Variants in CARMIL1 observed in about 807,000 individuals in gnomAD.
The protein encoded by CARMIL1 is F-actin-uncapping protein LRRC16A.
CARMIL1 carries 90 observed loss-of-function variants against 177.1 expected under a neutral mutation model. That is an observed-to-expected ratio of 0.51 (90% confidence interval 0.43 to 0.61). The LOEUF is 0.61. Among genes scored for constraint, CARMIL1 ranks in the 20% least tolerant of loss-of-function variants. The pLI is 0.00. For missense variants in CARMIL1, 1,380 were observed against 1,667.0 expected, an observed-to-expected ratio of 0.83 and a Z score of 3.00; for synonymous variants, 577 against 606.2, an observed-to-expected ratio of 0.95 and a Z score of 0.71.
intron 28 of CARMIL1, among the ~76,000 whole-genome samples, chr6:25,556,088 C>T (rs146547787): frequency 3.0e-4 from 45 of 152,240 alleles, no homozygotes; most frequent in African/African-American, 8.7e-4. Context: ...AGTTTGTAAA[C>T]GTTCTCAAAG....
At position 25,500,108 on chromosome 6, in the gene CARMIL1, T is replaced by G. The variant is rs182469984; in HGVS notation, c.1326-58T>G. Reference sequence around the variant, plus strand: ...TAGGCTTTATTCAGTGTGCTTGCATTTTTTCTTTTGGGCAGTGTGTGGAAT... The same window carrying G: ...TAGGCTTTATTCAGTGTGCTTGCATGTTTTCTTTTGGGCAGTGTGTGGAAT... On this transcript the variant is annotated intron_variant, in intron 16 of 36. Transcript: ENST00000329474. The G allele has an allele frequency of 8.0e-6, 12 of 1,499,646 alleles. No homozygotes were observed. In the Admixed American group the frequency reaches 1.9e-4, roughly 23 times the overall value. 92.9% of individuals were successfully genotyped at this position (1,499,646 alleles called of 1,614,324 possible).
intron 16 of CARMIL1, among the ~76,000 whole-genome samples, chr6:25,496,472 CAA>C (rs34420791): frequency 3.0e-5 from 3 of 101,552 alleles, no homozygotes; most frequent in African/African-American, 4.2e-5. Context: ...GACTCCATCT[CAA>C]AAAAAAAAAA....
intron 4 of CARMIL1, 79 bp from the exon 5 acceptor site, chr6:25,435,404 G>A: frequency 6.9e-7 from 1 of 1,449,744 alleles, no homozygotes; most frequent in Non-Finnish European, 9.2e-7. Flanking sequence ...GTGTGACTAT[G>A]TAGTTTACAA....
At chr6:25,531,332 T>TAGAA (rs140854) in intron 24 of CARMIL1, among the ~76,000 whole-genome samples, 145,577 of 152,134 alleles carry the variant, frequency 0.96, 69,731 homozygotes, top group East Asian at 1. Flanking sequence ...TGCTTCTTCT[T>TAGAA]TGAAAGAAAG....
chr6:25,446,757 G>C (rs1003288535), intron 5 of CARMIL1, among the ~76,000 whole-genome samples: 1 of 152,136 alleles, frequency 6.6e-6, no homozygotes, highest in Non-Finnish European at 1.5e-5. Context: ...CACTAAGCTT[G>C]TTTCTAGCTT....
intron 12 of CARMIL1, among the ~76,000 whole-genome samples, chr6:25,485,988 T>G (rs1802616203): frequency 6.6e-6 from 1 of 151,982 alleles, no homozygotes; most frequent in African/African-American, 2.4e-5. Context: ...CAAATACCCT[T>G]TCTTTATCTC....
At chr6:25,463,225 A>G (rs985289683) in intron 8 of CARMIL1, among the ~76,000 whole-genome samples, 1 of 152,188 alleles carries the variant, frequency 6.6e-6, no homozygotes, top group South Asian at 2.1e-4. Context: ...ACATTTGGCT[A>G]TATTTCTTTC....
Position 25,419,373 on chromosome 6 carries a change from A to G in CARMIL1, c.139-741A>G, listed in dbSNP as rs139441003. 4.0e-3 allele frequency among the ~76,000 whole-genome samples: 602 copies of G among 152,254 alleles called. 4 individuals are homozygous for G. The highest frequency in any genetic ancestry group is 0.024 in the Middle Eastern group (7 of 294). ...ACTCATGAGGCCTGTCCAAATCTCA[A>G]AGTTGCAGAGTGGAAAGTTTTGTAG... On this transcript the variant is annotated intron_variant, in intron 2 of 36. Coordinates refer to ENST00000329474, the MANE Select transcript of CARMIL1 (RefSeq NM_017640.6).
At chr6:25,424,790 G>A (rs1056415676) in intron 3 of CARMIL1, among the ~76,000 whole-genome samples, 2 of 152,062 alleles carry the variant, frequency 1.3e-5, no homozygotes, top group Non-Finnish European at 2.9e-5. Flanking sequence ...TCTAGAAAAC[G>A]TCTGCTGTCA....
chr6:25,523,978 C>G (rs1003087695), intron 23 of CARMIL1, among the ~76,000 whole-genome samples: 1 of 152,138 alleles, frequency 6.6e-6, no homozygotes, highest in African/African-American at 2.4e-5. Context: ...TCCATGAGTC[C>G]CAATGGGCTA....
chr6:25,563,193 C>T (rs558031669), intron 29 of CARMIL1: 3 of 984,374 alleles, frequency 3.0e-6, no homozygotes, highest in Non-Finnish European at 3.6e-6. Context: ...CTTACTTTTC[C>T]TCCCTTAGAA....
At chr6:25,495,586 C>T (rs1356925210) in intron 16 of CARMIL1, among the ~76,000 whole-genome samples, 1 of 145,084 alleles carries the variant, frequency 6.9e-6, no homozygotes, top group African/African-American at 2.5e-5. Context: ...TTTTCATCAG[C>T]ATTTACTCTA....
intron 2 of CARMIL1, among the ~76,000 whole-genome samples, chr6:25,293,945 C>T (rs1782191423): frequency 6.6e-6 from 1 of 152,212 alleles, no homozygotes; most frequent in Non-Finnish European, 1.5e-5. Flanking sequence ...TGGTCTTGAA[C>T]TCCTGAGCTC....
Position 25,441,183 on chromosome 6 carries a change from A to G in CARMIL1, c.371+5579A>G, listed in dbSNP as rs564281946. Among the ~76,000 whole-genome samples the G allele has an allele frequency of 6.6e-5, 10 of 152,014 alleles. 2 individuals are homozygous for G. The South Asian group carries it at 1.2e-3, about 19-fold the overall frequency. ...TTAAAAATTAGCTGGGTGTGGTGGT[A>G]TATGCTTGTATTCCCAACTAATGGG... is the stretch of plus-strand genomic sequence containing the variant. On this transcript the variant is annotated intron_variant, in intron 5 of 36. Coordinates refer to ENST00000329474, the MANE Select transcript of CARMIL1 (RefSeq NM_017640.6).
At chr6:25,513,832 G>T (rs569991433) in intron 20 of CARMIL1, among the ~76,000 whole-genome samples, 1 of 152,226 alleles carries the variant, frequency 6.6e-6, no homozygotes, top group African/African-American at 2.4e-5. Flanking sequence ...CTGTAGTGTT[G>T]GGACTGCTTC....
rs2151268546 is a variant in CARMIL1 at position 25,586,136 on chromosome 6, G to C, written c.3006+4697G>C. On this transcript the variant is annotated intron_variant, in intron 31 of 36. Coordinates refer to ENST00000329474, the MANE Select transcript of CARMIL1 (RefSeq NM_017640.6). The stretch of plus-strand genomic sequence containing the variant: ...CTAACGGGACGGCTGGCCGGGCGGG[G>C]GGTTGCCCCCCACCTCCCAGACGGG... Among the ~76,000 whole-genome samples, 6 of 148,894 alleles carry C rather than the reference G, an allele frequency of 4.0e-5. 1 individual carries two copies. The highest frequency in any genetic ancestry group is 4.0e-4 in the Admixed American group (6 of 15,054).
In CARMIL1 at chr6:25,369,261, T is replaced by C. The variant is rs1164140013; in HGVS notation, c.139-50853T>C. 2.6e-5 allele frequency among the ~76,000 whole-genome samples: 4 copies of C among 152,322 alleles called. No individual in the cohort carries two copies. The East Asian group carries it at 7.7e-4, about 29-fold the overall frequency. ...CATAACCTGGTTTTACCCCGTAGCA[T>C]GGCCCTGTGCCATCGACACCATTAG... On this transcript the variant is annotated intron_variant, in intron 2 of 36. Transcript: ENST00000329474.
intron 2 of CARMIL1, among the ~76,000 whole-genome samples, chr6:25,316,771 CAAG>C (rs1344683524): frequency 6.6e-6 from 1 of 151,928 alleles, no homozygotes; most frequent in Non-Finnish European, 1.5e-5. Context: ...AAGAGAAGAA[CAAG>C]AAGTTCTGTC....
At chr6:25,280,546 G>A (rs565131832) in intron 1 of CARMIL1, among the ~76,000 whole-genome samples, 1 of 148,654 alleles carries the variant, frequency 6.7e-6, no homozygotes, top group African/African-American at 2.5e-5. Flanking sequence ...ACCCGTGTGT[G>A]TTACGCTGTG....
Sources: allele counts gnomAD v4.1 joint callset (sites outside exome capture counted in the v4.1 genomes callset), GRCh38; gene constraint gnomAD v4.1.1; transcripts MANE v1.5; gene names NCBI Gene and HGNC (gene_info 2026-07-23, HGNC 2026-07-21).